GOT1: variants seen among roughly 807,000 people sequenced by gnomAD.
The protein encoded by GOT1 is aspartate aminotransferase, cytoplasmic.
GOT1 carries 25 observed loss-of-function variants against 48.2 expected under a neutral mutation model. The observed-to-expected ratio is 0.52, with a 90% CI of 0.38 to 0.72. GOT1 has a LOEUF of 0.72. Ranked by LOEUF, GOT1 falls within the 30% of genes least tolerant of loss-of-function variation. GOT1 has a pLI of 0.00. For missense variants in GOT1, 380 were observed against 520.1 expected, an observed-to-expected ratio of 0.73 and a Z score of 2.62; for synonymous variants, 188 against 193.8, an observed-to-expected ratio of 0.97 and a Z score of 0.25.
Position 99,405,875 on chromosome 10 carries a change from G to A in GOT1, c.538-15C>T, listed in dbSNP as rs1564969906. On this transcript the variant is annotated splice_polypyrimidine_tract_variant and intron_variant, in intron 4 of 8. Transcript: ENST00000370508. ...TCAGGAGCATTCTGAGGAGAAGGAA[G>A]CTATGTCAGCTCTGACACTGATGGG... 1.4e-6 allele frequency: 2 copies of A among 1,385,294 alleles called. No individual in the cohort carries two copies. The highest frequency in any genetic ancestry group is 1.7e-5 in the Admixed American group (1 of 59,778). 85.8% of individuals were successfully genotyped at this position (1,385,294 alleles called of 1,614,324 possible). A position where few individuals can be genotyped will look rare whatever the true frequency, so the allele number is the denominator to read the frequency against.
At chr10:99,425,244 A>G (rs1420132300) in intron 1 of GOT1, among the ~76,000 whole-genome samples, 1 of 152,234 alleles carries the variant, frequency 6.6e-6, no homozygotes, top group Admixed American at 6.5e-5. Flanking sequence ...CCTGGGGAGC[A>G]TGAGGTCTTT....
At chr10:99,405,971 C>T (rs1213574421) in intron 4 of GOT1, 111 bp from the exon 5 acceptor site, 7 of 800,398 alleles carry the variant, frequency 8.7e-6, no homozygotes, top group Admixed American at 5.4e-5. Context: ...ATTCTTGTCA[C>T]TCTTTCATGT....
chr10:99,427,072 G>A (rs2033048094), intron 1 of GOT1, among the ~76,000 whole-genome samples: 1 of 152,044 alleles, frequency 6.6e-6, no homozygotes, highest in Admixed American at 6.6e-5. Context: ...ACAAAAAGAC[G>A]GGTCACAGTG....
intron 2 of GOT1, among the ~76,000 whole-genome samples, chr10:99,407,181 TAG>T (rs2134099340): frequency 2.8e-5 from 2 of 71,254 alleles, no homozygotes; most frequent in East Asian, 1.1e-3. Flanking sequence ...GAGGCCACAT[TAG>T]TGTGTGTGTG....
chr10:99,430,455 T>C lies in GOT1; in HGVS notation c.111A>G (p.Gly37=). The C allele has an allele frequency of 6.2e-7, 1 of 1,608,102 alleles. No individual in the cohort carries two copies. The highest frequency in any genetic ancestry group is 8.5e-7 in the Non-Finnish European group (1 of 1,176,276). Residue 37 remains glycine, a synonymous_variant, in exon 1 of 9, where the codon GGA becomes GGG. Coordinates refer to ENST00000370508, the MANE Select transcript of GOT1 (RefSeq NM_002079.3). ...EDPDPRKVNL[G]VGAYRTDDCH... is the part of the protein sequence containing the mutation. ...AGAGCACTACATCCTTACCTCCCAC[T>C]CCCAGGTTGACCTTGCGGGGGTCCG...
At chr10:99,412,059 A>G (rs1176572742) in intron 2 of GOT1, among the ~76,000 whole-genome samples, 1 of 152,192 alleles carries the variant, frequency 6.6e-6, no homozygotes, top group Non-Finnish European at 1.5e-5. Context: ...ACCCTTGATC[A>G]GCTCTTGAAG....
intron 5 of GOT1, 114 bp downstream of exon 5, chr10:99,405,642 G>T: frequency 1.6e-6 from 1 of 624,432 alleles, no homozygotes; most frequent in Non-Finnish European, 2.9e-6. Context: ...TTTCTTCTTT[G>T]GACTTTTCTC....
At chr10:99,426,135 T>A (rs1340483854) in intron 1 of GOT1, among the ~76,000 whole-genome samples, 1 of 152,094 alleles carries the variant, frequency 6.6e-6, no homozygotes. Flanking sequence ...TGTGCTTTTT[T>A]AAAAGCAAGA....
At chr10:99,402,438 A>AC in intron 8 of GOT1, 142 bp downstream of exon 8, 2 of 829,150 alleles carry the variant, frequency 2.4e-6, no homozygotes, top group Non-Finnish European at 3.8e-6. Context: ...ACCCTAAGAA[A>AC]ACCTAACTTG....
At chr10:99,400,824 C>T (rs936728105) in intron 8 of GOT1, among the ~76,000 whole-genome samples, 1 of 152,096 alleles carries the variant, frequency 6.6e-6, no homozygotes, top group Non-Finnish European at 1.5e-5. Flanking sequence ...GCCTGTAGTC[C>T]CAGCTACTTG....
intron 1 of GOT1, among the ~76,000 whole-genome samples, chr10:99,425,841 A>G (rs190290956): frequency 6.6e-6 from 1 of 152,316 alleles, no homozygotes; most frequent in Admixed American, 6.5e-5. Context: ...TGTCCACTGT[A>G]GGCCTGACAT....
chr10:99,413,270 G>T (rs988764615), intron 2 of GOT1, among the ~76,000 whole-genome samples: 1 of 152,198 alleles, frequency 6.6e-6, no homozygotes, highest in African/African-American at 2.4e-5. Flanking sequence ...TGAAAACCAT[G>T]GCACGAGAAC....
rs1185192752 is a variant in GOT1 at position 99,397,394 on chromosome 10, T to C, written c.*153A>G. On this transcript the variant is annotated 3_prime_UTR_variant, in exon 9 of 9. Coordinates refer to ENST00000370508, the MANE Select transcript of GOT1 (RefSeq NM_002079.3). The surrounding 1 kb of genome is among the most constrained non-coding windows in gnomAD (Gnocchi z 5.4). ...TTCGTCTCAAGGGATGTTCTCTTCA[T>C]GTGGGGCCGGTTTAAACAGAGGCTG... is the stretch of plus-strand genomic sequence containing the variant. 1 of 758,172 alleles carries C rather than the reference T, an allele frequency of 1.3e-6. No homozygotes were observed. The highest frequency in any genetic ancestry group is 2.2e-5 in the Admixed American group (1 of 45,262). 47.0% of individuals were successfully genotyped at this position (758,172 alleles called of 1,614,324 possible). A position where few individuals can be genotyped will look rare whatever the true frequency, so the allele number is the denominator to read the frequency against.
intron 3 of GOT1, 53 bp downstream of exon 3, chr10:99,406,673 G>C (rs1467452748): frequency 6.4e-7 from 1 of 1,572,010 alleles, no homozygotes; most frequent in East Asian, 2.2e-5. Context: ...AGAGTCATGA[G>C]GATAATTCTC....
At chr10:99,398,679 A>G (rs945700754) in intron 8 of GOT1, among the ~76,000 whole-genome samples, 1 of 152,094 alleles carries the variant, frequency 6.6e-6, no homozygotes, top group South Asian at 2.1e-4. Context: ...TCAAAAAAAA[A>G]AAGAATTTTA....
At chr10:99,398,539 A>T (rs1318573122) in intron 8 of GOT1, among the ~76,000 whole-genome samples, 1 of 152,020 alleles carries the variant, frequency 6.6e-6, no homozygotes, top group Non-Finnish European at 1.5e-5. Context: ...GCGTGGTGGC[A>T]TGTGCCTATG....
chr10:99,401,592 G>A (rs545718152), intron 8 of GOT1, among the ~76,000 whole-genome samples: 13 of 151,550 alleles, frequency 8.6e-5, no homozygotes, highest in Middle Eastern at 6.8e-3. Flanking sequence ...ACCTGAAGCC[G>A]GGAGGCGGAG....
intron 2 of GOT1, among the ~76,000 whole-genome samples, chr10:99,418,723 G>C (rs954616821): frequency 9.2e-5 from 14 of 151,884 alleles, no homozygotes; most frequent in Non-Finnish European, 1.5e-5. Context: ...GGCTGGTCTT[G>C]AACTCCTGAG....
At chr10:99,428,155 T>C (rs997221554) in intron 1 of GOT1, among the ~76,000 whole-genome samples, 1 of 152,182 alleles carries the variant, frequency 6.6e-6, no homozygotes, top group Non-Finnish European at 1.5e-5. Flanking sequence ...ACTGAAAATT[T>C]TTATTCAATA....
Sources: allele counts gnomAD v4.1 joint callset (sites outside exome capture counted in the v4.1 genomes callset), GRCh38; gene constraint gnomAD v4.1.1; non-coding constraint Gnocchi (gnomAD v3.1); transcripts MANE v1.5; gene names NCBI Gene and HGNC (gene_info 2026-07-23, HGNC 2026-07-21).